Variants in SGCZ observed in about 807,000 individuals in gnomAD.
SGCZ encodes the protein sarcoglycan zeta.
A neutral mutation model predicts 41.3 loss-of-function variants in SGCZ; 40 were observed. The ratio of observed to expected loss-of-function variants is 0.97; its 90% confidence interval spans 0.75 to 1.26. The LOEUF (loss-of-function observed/expected upper bound fraction) is 1.26. Ranked by LOEUF, SGCZ falls within the 50% of genes most tolerant of loss-of-function variation. The pLI, the probability that SGCZ is intolerant of heterozygous loss-of-function variation, is 0.00. For synonymous variants in SGCZ, 206 were observed against 137.5 expected (o/e 1.50, Z -3.49); for missense variants, 552 against 369.8 (o/e 1.49, Z -4.04).
At chr8:14,204,025 GA>G in intron 4 of SGCZ, among the ~76,000 whole-genome samples, 1 of 152,164 alleles carries the variant, frequency 6.6e-6, no homozygotes, top group Non-Finnish European at 1.5e-5. Flanking sequence ...AATATATGGA[GA>G]GGGGAGACAG....
At chr8:14,695,970 C>T (rs1464367364) in intron 1 of SGCZ, among the ~76,000 whole-genome samples, 1 of 152,074 alleles carries the variant, frequency 6.6e-6, no homozygotes, top group Non-Finnish European at 1.5e-5. Context: ...ATTGCTTCTA[C>T]AATTACCATA....
intron 1 of SGCZ, among the ~76,000 whole-genome samples, chr8:15,004,499 G>C (rs1237048897): frequency 1.3e-5 from 2 of 152,204 alleles, no homozygotes; most frequent in African/African-American, 4.8e-5. Context: ...GACAGAGGTG[G>C]GAATTTCAAG....
intron 1 of SGCZ, among the ~76,000 whole-genome samples, chr8:14,737,275 T>A (rs1460259505): frequency 6.6e-6 from 1 of 151,678 alleles, no homozygotes; most frequent in Non-Finnish European, 1.5e-5. Flanking sequence ...GATTACAGAC[T>A]AATATTAATT....
intron 3 of SGCZ, among the ~76,000 whole-genome samples, chr8:14,298,964 C>T (rs1156555385): frequency 2.0e-5 from 3 of 151,976 alleles, no homozygotes; most frequent in Admixed American, 6.6e-5. Flanking sequence ...GAATCTACTA[C>T]TATCAAGAGA....
intron 1 of SGCZ, among the ~76,000 whole-genome samples, chr8:14,829,636 A>G (rs1802457432): frequency 6.6e-6 from 1 of 152,118 alleles, no homozygotes; most frequent in South Asian, 2.1e-4. Flanking sequence ...ACAAATTTTA[A>G]AATATATCAG....
At chr8:14,685,694 G>T (rs1416721194) in intron 1 of SGCZ, among the ~76,000 whole-genome samples, 2 of 151,876 alleles carry the variant, frequency 1.3e-5, no homozygotes, top group African/African-American at 4.8e-5. Context: ...ACCAATATTG[G>T]TATCTATTAC....
intron 1 of SGCZ, among the ~76,000 whole-genome samples, chr8:14,873,117 A>C (rs1157406366): frequency 6.6e-6 from 1 of 152,144 alleles, no homozygotes; most frequent in African/African-American, 2.4e-5. Context: ...TTAATAATGG[A>C]GTGAAGTGTA....
Position 14,309,618 on chromosome 8 carries a change from C to A in SGCZ, c.336+14485G>T, listed in dbSNP as rs576291767. 134 of 1,610,812 alleles carry A rather than the reference C, an allele frequency of 8.3e-5. 1 individual carries two copies. The East Asian group carries it at 2.9e-3, about 35-fold the overall frequency. Reference sequence around the variant, plus strand: ...AAAGATAGTGACTGGTTATCAGTCCCACGCAGACACAGCTACTAAGAGCGG... The same window carrying A: ...AAAGATAGTGACTGGTTATCAGTCCAACGCAGACACAGCTACTAAGAGCGG... On this transcript the variant is annotated intron_variant, in intron 3 of 7. Transcript: ENST00000382080.
At position 14,197,087 on chromosome 8, in the gene SGCZ, G is replaced by A. The variant is rs150527351; in HGVS notation, c.425-32385C>T. On this transcript the variant is annotated intron_variant, in intron 4 of 7. Transcript: ENST00000382080. ...AATCATTAAAATGTACATTTAAAAT[G>A]AACATGTTTAATATCATGTAAATTA... is the stretch of plus-strand genomic sequence containing the variant. Among the ~76,000 whole-genome samples, 81 of 152,116 alleles carry A rather than the reference G, an allele frequency of 5.3e-4. 2 individuals are homozygous for A. The highest frequency in any genetic ancestry group is 1.9e-3 in the African/African-American group (77 of 41,516).
chr8:14,602,616 A>T (rs910495831), intron 1 of SGCZ, among the ~76,000 whole-genome samples: 2 of 152,202 alleles, frequency 1.3e-5, no homozygotes. Flanking sequence ...GTGTATTAAA[A>T]TATCATCTGT....
At chr8:14,403,780 A>C (rs1327581619) in intron 2 of SGCZ, among the ~76,000 whole-genome samples, 1 of 152,178 alleles carries the variant, frequency 6.6e-6, no homozygotes, top group African/African-American at 2.4e-5. Flanking sequence ...AAAAATATAC[A>C]TGCAATATTT....
At chr8:14,342,750 A>C (rs1346253713) in intron 2 of SGCZ, among the ~76,000 whole-genome samples, 1 of 152,110 alleles carries the variant, frequency 6.6e-6, no homozygotes, top group Non-Finnish European at 1.5e-5. Flanking sequence ...GAAAAGAAAA[A>C]CCCATTTTCT....
At chr8:14,986,421 C>G (rs1205585765) in intron 1 of SGCZ, among the ~76,000 whole-genome samples, 1 of 152,044 alleles carries the variant, frequency 6.6e-6, no homozygotes, top group African/African-American at 2.4e-5. Context: ...GCATTTTCAC[C>G]ATTGACTGGT....
chr8:14,290,969 G>C (rs995281216), intron 3 of SGCZ, among the ~76,000 whole-genome samples: 2 of 152,062 alleles, frequency 1.3e-5, no homozygotes, highest in African/African-American at 2.4e-5. Context: ...AATGGATAAA[G>C]AAAGTATTGT....
intron 3 of SGCZ, among the ~76,000 whole-genome samples, chr8:14,244,239 T>C (rs899004852): frequency 2.6e-5 from 4 of 151,828 alleles, no homozygotes; most frequent in Non-Finnish European, 4.4e-5. Flanking sequence ...TTCTCTTCCT[T>C]CTTCCTCCTC....
chr8:14,267,665 C>A (rs1799920329), intron 3 of SGCZ, among the ~76,000 whole-genome samples: 1 of 152,032 alleles, frequency 6.6e-6, no homozygotes, highest in Non-Finnish European at 1.5e-5. Flanking sequence ...GATTGATGAG[C>A]AGCAGTGGGA....
chr8:15,234,197 C>G (rs752453831), intron 1 of SGCZ, among the ~76,000 whole-genome samples: 1 of 152,108 alleles, frequency 6.6e-6, no homozygotes, highest in Non-Finnish European at 1.5e-5. Context: ...AAGAGAGCAA[C>G]GATGGAGCTA....
At chr8:14,237,406 T>C (rs77870833) in intron 4 of SGCZ, among the ~76,000 whole-genome samples, 186 bp downstream of exon 4, 6,860 of 152,038 alleles carry the variant, frequency 0.045, 213 homozygotes, top group African/African-American at 0.088. Flanking sequence ...ATGACCCCGA[T>C]TGCTTGACCT....
chr8:14,287,160 T>A (rs1341965749), intron 3 of SGCZ, among the ~76,000 whole-genome samples: 2 of 151,572 alleles, frequency 1.3e-5, no homozygotes, highest in Non-Finnish European at 3.0e-5. Flanking sequence ...ATATTAAATT[T>A]TTGGTTGTTG....
Sources: allele counts gnomAD v4.1 joint callset (sites outside exome capture counted in the v4.1 genomes callset), GRCh38; gene constraint gnomAD v4.1.1; transcripts MANE v1.5; gene names NCBI Gene and HGNC (gene_info 2026-07-23, HGNC 2026-07-21).